Variants in DNAAF1 observed in about 807,000 individuals in gnomAD.
The protein encoded by DNAAF1 is dynein axonemal assembly factor 1.
A neutral mutation model predicts 71.1 loss-of-function variants in DNAAF1; 65 were observed. The observed-to-expected ratio is 0.91, with a 90% CI of 0.75 to 1.12. The LOEUF is 1.12. Among genes scored for constraint, DNAAF1 ranks in the 50% most tolerant of loss-of-function variants. The pLI, the probability that DNAAF1 is intolerant of heterozygous loss-of-function variation, is 0.00. For synonymous variants in DNAAF1, 414 were observed against 354.6 expected, an observed-to-expected ratio of 1.17 and a Z score of -1.88; for missense variants, 1,178 against 899.8, an observed-to-expected ratio of 1.31 and a Z score of -3.96.
At chr16:84,169,333 G>C (rs945767453) in intron 7 of DNAAF1, among the ~76,000 whole-genome samples, 1 of 151,242 alleles carries the variant, frequency 6.6e-6, no homozygotes, top group African/African-American at 2.4e-5. Context: ...TGATCCACCT[G>C]CCTGGGCCTC....
At chr16:84,174,255 C>CA (rs1157868662) in intron 9 of DNAAF1, 7 of 1,071,520 alleles carry the variant, frequency 6.5e-6, no homozygotes, top group Admixed American at 9.7e-5. Flanking sequence ...CAATACAAAA[C>CA]AAAAAAGTCC....
intron 9 of DNAAF1, 24 bp from the exon 10 acceptor site, chr16:84,174,645 T>C (rs1338526507): frequency 6.2e-7 from 1 of 1,614,174 alleles, no homozygotes; most frequent in South Asian, 1.1e-5. Flanking sequence ...TCCCTGGTGA[T>C]GTGCGGCTCA....
At chr16:84,160,959 C>G (rs1282244525) in intron 6 of DNAAF1, among the ~76,000 whole-genome samples, 1 of 150,670 alleles carries the variant, frequency 6.6e-6, no homozygotes, top group African/African-American at 2.4e-5. Flanking sequence ...AAAAAGAAAA[C>G]CAGAAGGCCT....
At chr16:84,159,038 G>C (rs1443321982) in intron 5 of DNAAF1, 1 of 987,834 alleles carries the variant, frequency 1.0e-6, no homozygotes, top group African/African-American at 1.7e-5. Context: ...GCCCCACTAA[G>C]CATTAAACTT....
intron 3 of DNAAF1, among the ~76,000 whole-genome samples, chr16:84,153,154 A>C (rs1209494811): frequency 1.6e-4 from 25 of 152,178 alleles, no homozygotes; most frequent in Admixed American, 1.6e-3. Flanking sequence ...AAAGAAAAAA[A>C]AAATCCTATC....
intron 6 of DNAAF1, among the ~76,000 whole-genome samples, chr16:84,162,843 A>G (rs1021436714): frequency 6.6e-6 from 1 of 151,414 alleles, no homozygotes; most frequent in African/African-American, 2.4e-5. Context: ...AAGAAATACC[A>G]TCCCCATTAG....
At chr16:84,159,817 T>C in intron 6 of DNAAF1, 21 bp downstream of exon 6, 1 of 1,612,760 alleles carries the variant, frequency 6.2e-7, no homozygotes, top group South Asian at 1.1e-5. Flanking sequence ...AAAAGCCTTC[T>C]GATCACATTT....
chr16:84,155,495 G>T, intron 4 of DNAAF1, 88 bp from the exon 5 acceptor site: 3 of 1,441,100 alleles, frequency 2.1e-6, no homozygotes, highest in Non-Finnish European at 2.9e-6. Context: ...CTTCCAAAGT[G>T]CTGGGATTAC....
chr16:84,176,409 G>A (rs1304856066), intron 11 of DNAAF1, 110 bp downstream of exon 11: 10 of 1,529,718 alleles, frequency 6.5e-6, no homozygotes, highest in East Asian at 2.3e-5. Context: ...TGTTGCTGGA[G>A]GGGTCACCCA....
intron 1 of DNAAF1, among the ~76,000 whole-genome samples, chr16:84,147,435 A>G (rs929850283): frequency 1.3e-4 from 20 of 152,174 alleles, no homozygotes; most frequent in African/African-American, 4.8e-4. Context: ...TAAAAAAATT[A>G]TTCATTTGAA....
chr16:84,156,360 G>A (rs933222584), intron 5 of DNAAF1, among the ~76,000 whole-genome samples: 1 of 152,194 alleles, frequency 6.6e-6, no homozygotes, highest in African/African-American at 2.4e-5. Flanking sequence ...CACTTAACAT[G>A]TTCTGCTGGC....
Position 84,153,521 on chromosome 16 carries a change from T to C in DNAAF1, c.353-1056T>C, listed in dbSNP as rs150467814. ...CTATGTTAAATATTACTTGTGCTTA[T>C]AGCAAGCTTGGAAGGCGAGAGAGAA... On this transcript the variant is annotated intron_variant, in intron 3 of 11. Transcript: ENST00000378553. 2.6e-4 allele frequency among the ~76,000 whole-genome samples: 39 copies of C among 152,366 alleles called. No individual in the cohort carries two copies. The East Asian group carries it at 7.5e-3, about 29-fold the overall frequency.
chr16:84,170,970 G>C (rs1023129149), intron 8 of DNAAF1, among the ~76,000 whole-genome samples: 6 of 152,264 alleles, frequency 3.9e-5, no homozygotes, highest in African/African-American at 1.4e-4. Flanking sequence ...AATTATCAGT[G>C]AGCTATTTTA....
intron 1 of DNAAF1, among the ~76,000 whole-genome samples, chr16:84,148,000 G>A (rs927853016): frequency 2.0e-5 from 3 of 151,972 alleles, no homozygotes; most frequent in Admixed American, 6.6e-5. Flanking sequence ...CCCGGGAGGC[G>A]GAGGTTGCAG....
intron 11 of DNAAF1, chr16:84,177,236 A>G: frequency 4.4e-6 from 1 of 227,498 alleles, no homozygotes. Context: ...GAGCCCGTGC[A>G]GCCTCGGGCG....
intron 8 of DNAAF1, among the ~76,000 whole-genome samples, chr16:84,171,090 C>T (rs866028447): frequency 9.9e-5 from 15 of 152,172 alleles, no homozygotes; most frequent in Middle Eastern, 3.4e-3. Context: ...AACGAAGCCC[C>T]GAGAGCAATG....
intron 3 of DNAAF1, among the ~76,000 whole-genome samples, chr16:84,153,937 C>G (rs1378613136): frequency 1.3e-5 from 2 of 152,082 alleles, no homozygotes; most frequent in African/African-American, 4.8e-5. Context: ...AGCAGAAAGA[C>G]TACCAGTCTT....
At position 84,176,084 on chromosome 16, in the gene DNAAF1, C is replaced by T; in HGVS notation, c.1850C>T (p.Ala617Val). The T allele has an allele frequency of 6.2e-7, 1 of 1,614,062 alleles. No homozygotes were observed. Among genetic ancestry groups the T allele is most frequent in the African/African-American group, 1.3e-5 (1 of 75,030 alleles). The change falls in exon 11 of 12, where the codon GCT (alanine) becomes GTT (valine). Residue 617 changes from alanine (A) to valine (V), a missense_variant. By Grantham distance (64) the Ala-to-Val change is moderately conservative. Transcript: ENST00000378553. ...FAVSKDTSKA[A>V]RVPFTDIFKK... The stretch of plus-strand genomic sequence containing the variant: ...GTCTCTAAAGACACCTCAAAGGCGG[C>T]TCGGGTGCCCTTCACAGACATCTTT...
chr16:84,164,015 G>A (rs2151247379), intron 6 of DNAAF1, among the ~76,000 whole-genome samples: 1 of 152,218 alleles, frequency 6.6e-6, no homozygotes, highest in South Asian at 2.1e-4. Context: ...ATGTTGCCCA[G>A]GCTGGTCTGG....
Sources: allele counts gnomAD v4.1 joint callset (sites outside exome capture counted in the v4.1 genomes callset), GRCh38; gene constraint gnomAD v4.1.1; transcripts MANE v1.5; gene names NCBI Gene and HGNC (gene_info 2026-07-23, HGNC 2026-07-21).